The following CTNNAL1 variants were observed in gnomAD, a reference collection of about 807,000 sequenced individuals.
CTNNAL1 encodes catenin alpha like 1, also known as alpha-catulin.
In CTNNAL1, 69 loss-of-function variants were observed where a neutral mutation model predicts 93.6. That is an observed-to-expected ratio of 0.74 (90% CI 0.61 to 0.90). CTNNAL1 has a LOEUF of 0.90. Among genes scored for constraint, CTNNAL1 ranks in the 40% least tolerant of loss-of-function variants. The pLI is 0.00. For synonymous variants in CTNNAL1, 286 were observed against 305.4 expected, an observed-to-expected ratio of 0.94 and a Z score of 0.66; for missense variants, 836 against 862.0, an observed-to-expected ratio of 0.97 and a Z score of 0.38.
chr9:108,972,864 G>GGGGGGCGCCCCCC, intron 8 of CTNNAL1, 31 bp from the exon 9 acceptor site: 6 of 142,524 alleles, frequency 4.2e-5, no homozygotes, highest in Non-Finnish European at 6.0e-5. Context: ...GGGGGGGTGG[G>GGGGGGCGCCCCCC]AGGGTGGAGA....
At chr9:108,956,949 G>A (rs946417423) in intron 11 of CTNNAL1, among the ~76,000 whole-genome samples, 1 of 151,478 alleles carries the variant, frequency 6.6e-6, no homozygotes, top group Non-Finnish European at 1.5e-5. Context: ...AACAGATTTT[G>A]AAGATGTAGT....
chr9:109,003,108 C>T lies in CTNNAL1; in HGVS notation c.142-3852G>A, dbSNP rs145051561. Among the ~76,000 whole-genome samples the T allele has an allele frequency of 7.4e-3, 1,120 of 152,216 alleles. 14 individuals carry two copies. The highest frequency in any genetic ancestry group is 0.025 in the African/African-American group (1,056 of 41,540). On this transcript the variant is annotated intron_variant, in intron 1 of 18. Transcript: ENST00000325551. ...GCATCTAAAGATGAAGCTAAGGGTA[C>T]GACTATAAAATCTTAAGATCTCAGA...
At chr9:109,006,026 G>C (rs1469255416) in intron 1 of CTNNAL1, among the ~76,000 whole-genome samples, 1 of 152,100 alleles carries the variant, frequency 6.6e-6, no homozygotes, top group East Asian at 1.9e-4. Flanking sequence ...AGTTTCAAAT[G>C]TTTTAAAAGG....
rs573283767 is a variant in CTNNAL1 at position 108,997,387 on chromosome 9, C to T, written c.331+1680G>A. Among the ~76,000 whole-genome samples, 11 of 152,318 alleles carry T rather than the reference C, an allele frequency of 7.2e-5. 1 individual carries two copies. Among genetic ancestry groups the T allele is most frequent in the African/African-American group, 2.6e-4 (11 of 41,566 alleles). On this transcript the variant is annotated intron_variant, in intron 2 of 18. Coordinates refer to ENST00000325551, the MANE Select transcript of CTNNAL1 (RefSeq NM_003798.4). ...TTCTCTCAGGCTGTCCTCATTCGTT[C>T]ACTTCCTCCACACCATCAGAAAGAC... is the stretch of plus-strand genomic sequence containing the variant.
At position 109,013,356 on chromosome 9, in the gene CTNNAL1, TC is replaced by T; in HGVS notation, c.86del (p.Gly29AspfsTer43). On this transcript the variant is annotated frameshift_variant, in exon 1 of 19. Transcript: ENST00000325551. LOFTEE classifies it high-confidence loss of function. ...SGSSGFALDSGLEIKTRSVEQ... is the reference protein window; with the variant it reads ...SGSSGFALDSXLEIKTRSVEQ... Reference sequence around the variant, plus strand: ...CCACCGAGCGAGTTTTGATCTCCAGTCCCGAGTCGAGGGCGAAGCCCGAAGA... The same window carrying T: ...CCACCGAGCGAGTTTTGATCTCCAGTCCGAGTCGAGGGCGAAGCCCGAAGA... 6.6e-7 allele frequency: 1 copy of T among 1,514,710 alleles called. No homozygotes were observed. The highest frequency in any genetic ancestry group is 8.8e-7 in the Non-Finnish European group (1 of 1,131,062). The allele number at this position is 1,514,710 out of a possible 1,614,324, so 93.8% of individuals were successfully genotyped here.
Position 108,948,054 on chromosome 9 carries a change from T to C in CTNNAL1, c.1884+132A>G, listed in dbSNP as rs1284123247. The C allele has an allele frequency of 5.8e-6, 6 of 1,035,992 alleles. No individual in the cohort carries two copies. In the East Asian group the frequency reaches 1.4e-4, roughly 24 times the overall value. 64.2% of individuals were successfully genotyped at this position (1,035,992 alleles called of 1,614,324 possible). A position where few individuals can be genotyped will look rare whatever the true frequency, so the allele number is the denominator to read the frequency against. ...GCCATCTACCTTTCTACTTTTCTACTGCTCTCTGTAATACACAGGTAGGTA... is the reference window on the plus strand; with the variant it reads ...GCCATCTACCTTTCTACTTTTCTACCGCTCTCTGTAATACACAGGTAGGTA... On this transcript the variant is annotated intron_variant, in intron 15 of 18. Transcript: ENST00000325551.
At chr9:108,962,639 G>C (rs10979628) in intron 11 of CTNNAL1, among the ~76,000 whole-genome samples, 10,864 of 152,204 alleles carry the variant, frequency 0.071, 480 homozygotes, top group Admixed American at 0.13. Context: ...AAAGGACATA[G>C]GGAGAGATGG....
chr9:109,004,420 A>G (rs933157124), intron 1 of CTNNAL1, among the ~76,000 whole-genome samples: 1 of 152,196 alleles, frequency 6.6e-6, no homozygotes, highest in African/African-American at 2.4e-5. Context: ...TAGGATTTAA[A>G]TCCAGATATT....
At chr9:108,952,385 CACA>C in intron 13 of CTNNAL1, 22 bp from the exon 14 acceptor site, 7 of 1,614,164 alleles carry the variant, frequency 4.3e-6, no homozygotes, top group Non-Finnish European at 5.9e-6. Flanking sequence ...ACGTTTTAAT[CACA>C]ACGACTTTAT....
At chr9:108,973,605 T>G (rs4978765) in intron 8 of CTNNAL1, among the ~76,000 whole-genome samples, 11,171 of 151,520 alleles carry the variant, frequency 0.074, 497 homozygotes, top group Admixed American at 0.13. Context: ...ATTGACTTTG[T>G]GTGGAATGCC....
chr9:108,948,133 C>T, intron 15 of CTNNAL1, 53 bp downstream of exon 15: 1 of 1,579,922 alleles, frequency 6.3e-7, no homozygotes, highest in Non-Finnish European at 8.7e-7. Context: ...ACATTTATTA[C>T]CCACTTTTAG....
chr9:108,948,063 TA>T, intron 15 of CTNNAL1, 122 bp downstream of exon 15: 1 of 1,138,312 alleles, frequency 8.8e-7, no homozygotes, highest in Non-Finnish European at 1.2e-6. Context: ...CTGCTCTCTG[TA>T]ATACACAGGT....
chr9:109,010,764 A>C, intron 1 of CTNNAL1, among the ~76,000 whole-genome samples: 1 of 152,230 alleles, frequency 6.6e-6, no homozygotes, highest in East Asian at 1.9e-4. Flanking sequence ...GAGTCAGAAG[A>C]AGCTAGATGA....
chr9:109,002,747 G>A (rs1826881939), intron 1 of CTNNAL1, among the ~76,000 whole-genome samples: 1 of 152,010 alleles, frequency 6.6e-6, no homozygotes, highest in Non-Finnish European at 1.5e-5. Flanking sequence ...ACTTTGGGAG[G>A]CCGAGGCAGG....
chr9:108,982,241 T>C (rs569480025), intron 6 of CTNNAL1, among the ~76,000 whole-genome samples: 1 of 152,324 alleles, frequency 6.6e-6, no homozygotes, highest in Admixed American at 6.5e-5. Context: ...TAATATCCTT[T>C]CTGTTTCTCA....
rs1587944259 is a variant in CTNNAL1 at position 108,950,739 on chromosome 9, A to G, written c.1835+1470T>C. On this transcript the variant is annotated intron_variant, in intron 14 of 18. Coordinates refer to ENST00000325551, the MANE Select transcript of CTNNAL1 (RefSeq NM_003798.4). ...TTGCAAAAATAAATTGAACACATTA[A>G]CCCTTTCTTTTCTCCTTTTTCTCTT... 4.7e-6 allele frequency: 5 copies of G among 1,059,920 alleles called. No homozygotes were observed. The East Asian group carries it at 1.3e-4, about 28-fold the overall frequency. The allele number at this position is 1,059,920 out of a possible 1,614,324, so 65.7% of individuals were successfully genotyped here.
At chr9:108,978,392 G>T (rs376996674) in intron 7 of CTNNAL1, among the ~76,000 whole-genome samples, 9 of 152,284 alleles carry the variant, frequency 5.9e-5, no homozygotes, top group African/African-American at 2.2e-4. Flanking sequence ...GAAATCAACT[G>T]CTCCTTCTTT....
At chr9:109,012,949 G>A (rs1329238335) in intron 1 of CTNNAL1, among the ~76,000 whole-genome samples, 1 of 152,160 alleles carries the variant, frequency 6.6e-6, no homozygotes, top group African/African-American at 2.4e-5. Flanking sequence ...TGCCTCGGGA[G>A]CTGGGCTCAA....
chr9:108,962,764 G>A lies in CTNNAL1; in HGVS notation c.1591+2614C>T, dbSNP rs573407406. On this transcript the variant is annotated intron_variant, in intron 11 of 18. Coordinates refer to ENST00000325551, the MANE Select transcript of CTNNAL1 (RefSeq NM_003798.4). ...AGTGGTCATGATGCTGATGCTGATA[G>A]AGGTAACACTTGTTGAGAATTTACT... Among the ~76,000 whole-genome samples, 28 of 152,320 alleles carry A rather than the reference G, an allele frequency of 1.8e-4. No homozygotes were observed. The South Asian group carries it at 2.5e-3, about 14-fold the overall frequency.
Sources: gnomAD v4.1 joint callset for allele counts (sites outside exome capture counted in the v4.1 genomes callset) on GRCh38, gnomAD v4.1.1 for gene constraint, MANE v1.5 for transcripts, NCBI Gene and HGNC (gene_info 2026-07-23, HGNC 2026-07-21) for gene names.